The following NIPAL2 variants were observed in gnomAD, a reference collection of about 807,000 sequenced individuals.
NIPAL2 encodes the protein NIPA like domain containing 2.
A neutral mutation model predicts 48.9 loss-of-function variants in NIPAL2; 43 were observed. That is an observed-to-expected ratio of 0.88 (90% CI 0.69 to 1.13). The LOEUF is 1.13. Among genes scored for constraint, NIPAL2 ranks in the 50% most tolerant of loss-of-function variants. The pLI is 0.00. For missense variants in NIPAL2, 446 were observed against 461.4 expected (o/e 0.97, Z 0.31); for synonymous variants, 167 against 174.6 (o/e 0.96, Z 0.34).
At chr8:98,219,090 G>A (rs899749405) in intron 5 of NIPAL2, among the ~76,000 whole-genome samples, 1 of 152,194 alleles carries the variant, frequency 6.6e-6, no homozygotes, top group African/African-American at 2.4e-5. Context: ...GAAGTCATGT[G>A]TAGTTTAGGT....
intron 8 of NIPAL2, among the ~76,000 whole-genome samples, chr8:98,196,481 G>A (rs964610538): frequency 1.2e-4 from 18 of 152,188 alleles, no homozygotes; most frequent in African/African-American, 4.3e-4. Context: ...CTGTTGGTCT[G>A]GCCACATGGC....
chr8:98,247,356 A>G (rs1285045302), intron 3 of NIPAL2, among the ~76,000 whole-genome samples: 1 of 152,198 alleles, frequency 6.6e-6, no homozygotes, highest in Non-Finnish European at 1.5e-5. Context: ...ACAGTCAGTC[A>G]CCAGTCCCCT....
chr8:98,230,769 T>C (rs752378410), intron 4 of NIPAL2, among the ~76,000 whole-genome samples: 11 of 152,210 alleles, frequency 7.2e-5, no homozygotes, highest in Non-Finnish European at 1.0e-4. Context: ...TTCTGTTCAC[T>C]GGCACCTCTA....
Position 98,271,522 on chromosome 8 carries a change from G to A in NIPAL2, c.136-17435C>T, listed in dbSNP as rs76354214. Among the ~76,000 whole-genome samples the A allele has an allele frequency of 2.3e-4, 35 of 152,092 alleles. 1 individual carries two copies. In the East Asian group the frequency reaches 6.8e-3, roughly 29 times the overall value. Reference sequence around the variant, plus strand: ...TTGAACATTGTTGGTGCATAGAAATGCTATGATTTTTTGTGAATTTTGTAT... The same window carrying A: ...TTGAACATTGTTGGTGCATAGAAATACTATGATTTTTTGTGAATTTTGTAT... On this transcript the variant is annotated intron_variant, in intron 1 of 10. Coordinates refer to ENST00000430223, the MANE Select transcript of NIPAL2 (RefSeq NM_001321635.2).
chr8:98,212,002 G>A (rs570995531), intron 6 of NIPAL2, among the ~76,000 whole-genome samples: 34 of 152,168 alleles, frequency 2.2e-4, no homozygotes, highest in Middle Eastern at 6.8e-3. Flanking sequence ...TCTACATTTC[G>A]TATTAGTCAT....
chr8:98,214,708 A>G (rs563027800), intron 5 of NIPAL2, among the ~76,000 whole-genome samples: 14 of 152,218 alleles, frequency 9.2e-5, no homozygotes, highest in African/African-American at 1.9e-4. Context: ...CTTTGTGGGC[A>G]TGGGAAACAG....
At chr8:98,209,150 T>C (rs999067115) in intron 6 of NIPAL2, among the ~76,000 whole-genome samples, 30 of 152,326 alleles carry the variant, frequency 2.0e-4, no homozygotes, top group Middle Eastern at 3.4e-3. Context: ...TTCAAATGTT[T>C]ACTGTGTGAT....
At chr8:98,201,744 T>C (rs59744952) in intron 8 of NIPAL2, among the ~76,000 whole-genome samples, 6,083 of 152,306 alleles carry the variant, frequency 0.04, 440 homozygotes, top group African/African-American at 0.14. Context: ...CTTTTCTTAA[T>C]TTATTAACTA....
At chr8:98,241,257 T>C (rs754308565) in intron 3 of NIPAL2, among the ~76,000 whole-genome samples, 6 of 152,136 alleles carry the variant, frequency 3.9e-5, no homozygotes, top group Non-Finnish European at 7.4e-5. Flanking sequence ...GATAAATGAA[T>C]GGGCAGGAAC....
At chr8:98,237,143 A>G (rs967792808) in intron 3 of NIPAL2, among the ~76,000 whole-genome samples, 1 of 151,788 alleles carries the variant, frequency 6.6e-6, no homozygotes, top group Admixed American at 6.6e-5. Flanking sequence ...TCACTGCAAC[A>G]TTGGACTCCT....
chr8:98,210,410 T>C (rs1811257077), intron 6 of NIPAL2, among the ~76,000 whole-genome samples: 1 of 152,204 alleles, frequency 6.6e-6, no homozygotes, highest in Admixed American at 6.5e-5. Context: ...TTTTACTGGT[T>C]TCTATTTTTG....
At chr8:98,233,592 C>T (rs1812554779) in intron 4 of NIPAL2, among the ~76,000 whole-genome samples, 1 of 152,136 alleles carries the variant, frequency 6.6e-6, no homozygotes, top group South Asian at 2.1e-4. Context: ...AGTTGATAGC[C>T]AGAGTTGAAT....
chr8:98,190,313 T>TTTTGTTTG lies in NIPAL2; in HGVS notation c.*2657_*2664dup, dbSNP rs546598612. ...TATAGCTCACAGACTGGCCACTTGT[T>TTTTGTTTG]TTTGTTTGTTTGTTTGTTTGTTTGT... On this transcript the variant is annotated 3_prime_UTR_variant, in exon 11 of 11. Transcript: ENST00000430223. 6.0e-6 allele frequency: 1 copy of TTTTGTTTG among 165,924 alleles called. No individual in the cohort carries two copies. The highest frequency in any genetic ancestry group is 1.3e-5 in the Non-Finnish European group (1 of 78,884). 10.3% of individuals were successfully genotyped at this position (165,924 alleles called of 1,614,324 possible).
chr8:98,201,892 G>GA (rs879551657), intron 8 of NIPAL2, among the ~76,000 whole-genome samples: 13 of 149,610 alleles, frequency 8.7e-5, no homozygotes, highest in East Asian at 3.9e-4. Flanking sequence ...TCCATAAAAT[G>GA]AAAAAAAAAT....
At chr8:98,193,227 A>G in intron 10 of NIPAL2, 137 bp from the exon 11 acceptor site, 1 of 1,050,750 alleles carries the variant, frequency 9.5e-7, no homozygotes, top group East Asian at 2.4e-5. Flanking sequence ...GAAGAGATGA[A>G]TATCAAGGAA....
intron 4 of NIPAL2, among the ~76,000 whole-genome samples, chr8:98,229,272 A>G (rs1045939668): frequency 6.6e-6 from 1 of 152,222 alleles, no homozygotes; most frequent in East Asian, 1.9e-4. Flanking sequence ...ACCTCTCCCT[A>G]TAAACTTGAT....
At chr8:98,243,435 G>A (rs1019278281) in intron 3 of NIPAL2, among the ~76,000 whole-genome samples, 1 of 152,164 alleles carries the variant, frequency 6.6e-6, no homozygotes, top group African/African-American at 2.4e-5. Context: ...CAGTCCCAGA[G>A]CGAGGTATGT....
chr8:98,194,830 G>T lies in NIPAL2; in HGVS notation c.945-8C>A. ...AGGAATGACAGAAAACACCTGTAAG[G>T]ATAATATTAATAAAGAATACAAGAA... is the stretch of plus-strand genomic sequence containing the variant. On this transcript the variant is annotated splice_region_variant and splice_polypyrimidine_tract_variant and intron_variant, in intron 9 of 10. Coordinates refer to ENST00000430223, the MANE Select transcript of NIPAL2 (RefSeq NM_001321635.2). 4 of 1,500,822 alleles carry T rather than the reference G, an allele frequency of 2.7e-6. No homozygotes were observed. Among genetic ancestry groups the T allele is most frequent in the Non-Finnish European group, 2.7e-6 (3 of 1,116,620 alleles). The allele number at this position is 1,500,822 out of a possible 1,614,324, so 93.0% of individuals were successfully genotyped here. A position where few individuals can be genotyped will look rare whatever the true frequency, so the allele number is the denominator to read the frequency against.
intron 1 of NIPAL2, among the ~76,000 whole-genome samples, chr8:98,262,553 G>T (rs552735529): frequency 0.013 from 1,946 of 150,912 alleles, 37 homozygotes; most frequent in African/African-American, 0.045. Flanking sequence ...TAATGGTAAA[G>T]GGATCAATTC....
Sources: gnomAD v4.1 joint callset for allele counts (sites outside exome capture counted in the v4.1 genomes callset) on GRCh38, gnomAD v4.1.1 for gene constraint, MANE v1.5 for transcripts, NCBI Gene and HGNC (gene_info 2026-07-23, HGNC 2026-07-21) for gene names.